The following ARFGEF3 variants were observed in gnomAD, a reference collection of about 807,000 sequenced individuals.
The protein encoded by ARFGEF3 is ARFGEF family member 3.
ARFGEF3 carries 96 observed loss-of-function variants against 221.7 expected under a neutral mutation model. The ratio of observed to expected loss-of-function variants is 0.43; its 90% confidence interval spans 0.37 to 0.51. The LOEUF is 0.51. Among genes scored for constraint, ARFGEF3 ranks in the 20% least tolerant of loss-of-function variants. The pLI is 0.00. For synonymous variants in ARFGEF3, 1,145 were observed against 1,126.8 expected (o/e 1.02, Z -0.32); for missense variants, 2,410 against 2,789.9 (o/e 0.86, Z 3.07).
chr6:138,250,174 C>T (rs920876596), intron 8 of ARFGEF3, among the ~76,000 whole-genome samples: 15 of 152,182 alleles, frequency 9.9e-5, no homozygotes, highest in African/African-American at 3.6e-4. Context: ...GGCTTTAGCT[C>T]TGTAGGGGTG....
At position 138,291,980 on chromosome 6, in the gene ARFGEF3, T is replaced by C. The variant is rs916419257; in HGVS notation, c.3295T>C (p.Phe1099Leu). Residue 1099 changes from phenylalanine to leucine, a missense_variant, in exon 19 of 34, where the codon TTC (phenylalanine) becomes CTC (leucine). Coordinates refer to ENST00000251691, the MANE Select transcript of ARFGEF3 (RefSeq NM_020340.5). This position sits in a 1 kb window ranked among gnomAD's most constrained non-coding sequence, Gnocchi z 4.5. ...REGSRGRASD[F>L]RGGSLMSGSS... is the part of the protein sequence containing the mutation. ...AGGCAGCCGGGGTCGGGCCTCCGAC[T>C]TCCGCGGCGGGAGCCTCATGAGCGG... 4 of 1,536,020 alleles carry C rather than the reference T, an allele frequency of 2.6e-6. No individual in the cohort carries two copies. Among genetic ancestry groups the C allele is most frequent in the Non-Finnish European group, 3.5e-6 (4 of 1,144,822 alleles).
At chr6:138,276,463 C>T (rs1273523079) in intron 12 of ARFGEF3, among the ~76,000 whole-genome samples, 2 of 151,914 alleles carry the variant, frequency 1.3e-5, no homozygotes, top group African/African-American at 4.8e-5. Flanking sequence ...TCAAAGGGAT[C>T]TTCAAAATGA....
Position 138,336,284 on chromosome 6 carries a change from T to A in ARFGEF3, c.6343-11T>A, listed in dbSNP as rs367960447. ...GGAAAGCCACTGATTTTCTTAAATC[T>A]TTTCTCTTAGGCATGGACCAACATG... On this transcript the variant is annotated splice_polypyrimidine_tract_variant and intron_variant, in intron 33 of 33. Transcript: ENST00000251691. The A allele has an allele frequency of 2.4e-5, 36 of 1,499,996 alleles. No individual in the cohort carries two copies. The African/African-American group carries it at 4.7e-4, about 19-fold the overall frequency. 92.9% of individuals were successfully genotyped at this position (1,499,996 alleles called of 1,614,324 possible). A position where few individuals can be genotyped will look rare whatever the true frequency, so the allele number is the denominator to read the frequency against.
chr6:138,233,678 A>G (rs764766542), intron 5 of ARFGEF3, among the ~76,000 whole-genome samples: 1 of 152,124 alleles, frequency 6.6e-6, no homozygotes, highest in Non-Finnish European at 1.5e-5. Flanking sequence ...TACCCGGCCA[A>G]TACTTCTTTT....
At chr6:138,327,107 G>T (rs138217127) in intron 31 of ARFGEF3, among the ~76,000 whole-genome samples, 1 of 152,274 alleles carries the variant, frequency 6.6e-6, no homozygotes, top group African/African-American at 2.4e-5. Context: ...TGTGGGGAAC[G>T]GGGGAGGGAG....
chr6:138,319,118 AT>A (rs56283991), intron 27 of ARFGEF3, among the ~76,000 whole-genome samples: 18,295 of 139,660 alleles, frequency 0.13, 1,399 homozygotes, highest in African/African-American at 0.21. Context: ...TGCCCAGCTA[AT>A]TTTTTTTTTT....
chr6:138,217,946 ATTT>A (rs748903396), intron 4 of ARFGEF3: 1 of 1,547,334 alleles, frequency 6.5e-7, no homozygotes, highest in Admixed American at 2.0e-5. Context: ...CTTTTCAACC[ATTT>A]TTATTTTTCT....
rs1193757839 is a variant in ARFGEF3, at chr6:138,184,252, T to C, written c.137+13539T>C. ...TGAAAAATAACTACTTTTATTATACTTCTACCATCCTCATAGCTGTGGAAT... is the reference window on the plus strand; with the variant it reads ...TGAAAAATAACTACTTTTATTATACCTCTACCATCCTCATAGCTGTGGAAT... On this transcript the variant is annotated intron_variant, in intron 2 of 33. Coordinates refer to ENST00000251691, the MANE Select transcript of ARFGEF3 (RefSeq NM_020340.5). Among the ~76,000 whole-genome samples, 3 of 152,348 alleles carry C rather than the reference T, an allele frequency of 2.0e-5. No individual in the cohort carries two copies. In the South Asian group the frequency reaches 6.2e-4, roughly 32 times the overall value.
intron 3 of ARFGEF3, among the ~76,000 whole-genome samples, chr6:138,209,054 G>C (rs960434175): frequency 8.5e-5 from 13 of 152,148 alleles, no homozygotes; most frequent in Non-Finnish European, 1.8e-4. Flanking sequence ...TATCCTGTGA[G>C]GTAGACTCCT....
chr6:138,162,024 C>T lies in ARFGEF3; in HGVS notation c.-63C>T, dbSNP rs1776622454. 3.1e-6 allele frequency: 4 copies of T among 1,303,878 alleles called. No individual in the cohort carries two copies. The South Asian group carries it at 4.1e-5, about 13-fold the overall frequency. The allele number at this position is 1,303,878 out of a possible 1,614,324, so 80.8% of individuals were successfully genotyped here. On this transcript the variant is annotated 5_prime_UTR_variant, in exon 1 of 34. Coordinates refer to ENST00000251691, the MANE Select transcript of ARFGEF3 (RefSeq NM_020340.5). This position sits in a 1 kb window ranked among gnomAD's most constrained non-coding sequence, Gnocchi z 4.7. Reference sequence around the variant, plus strand: ...CCCAGGGCCAGGCAGCGGCGGCTTCCCCGGCCCGGCTCGCCCGCGCTTCTC... The same window carrying T: ...CCCAGGGCCAGGCAGCGGCGGCTTCTCCGGCCCGGCTCGCCCGCGCTTCTC...
rs203135 is a variant in ARFGEF3 at position 138,285,410 on chromosome 6, C to T, written c.2462-536C>T. Among the ~76,000 whole-genome samples, 13 of 150,380 alleles carry T rather than the reference C, an allele frequency of 8.6e-5. No individual in the cohort carries two copies. The East Asian group carries it at 1.6e-3, about 18-fold the overall frequency. On this transcript the variant is annotated intron_variant, in intron 14 of 33. Transcript: ENST00000251691. ...AACTTGCAGCAGTGAGCCGAGATCA[C>T]GCCACTGCACTCCAGCCTGGGCGAC...
rs1335465706 is a variant in ARFGEF3, at chr6:138,335,098, C to G, written c.6252C>G (p.Pro2084=). Residue 2084 remains proline (P), a synonymous_variant, in exon 33 of 34, where the codon CCC becomes CCG. Coordinates refer to ENST00000251691, the MANE Select transcript of ARFGEF3 (RefSeq NM_020340.5). ...TGCGGCATTCCTTCAGCGCAGGCCCCGAGCTGCTGCGACAGGACAAGAGGC... is the reference window on the plus strand; with the variant it reads ...TGCGGCATTCCTTCAGCGCAGGCCCGGAGCTGCTGCGACAGGACAAGAGGC... ...GQMRHSFSAG[P]ELLRQDKRPR... 3 of 1,600,202 alleles carry G rather than the reference C, an allele frequency of 1.9e-6. No homozygotes were observed. The highest frequency in any genetic ancestry group is 2.3e-5 in the East Asian group (1 of 44,256).
chr6:138,229,996 C>T, intron 5 of ARFGEF3, 144 bp downstream of exon 5: 1 of 710,020 alleles, frequency 1.4e-6, no homozygotes, highest in Non-Finnish European at 2.5e-6. Flanking sequence ...AGGAATTGAT[C>T]TGTGGGAAGC....
chr6:138,197,138 G>A (rs1777443169), intron 2 of ARFGEF3, among the ~76,000 whole-genome samples: 1 of 152,128 alleles, frequency 6.6e-6, no homozygotes, highest in South Asian at 2.1e-4. Context: ...CGGCCTTTAA[G>A]CTTTATTTTT....
intron 2 of ARFGEF3, among the ~76,000 whole-genome samples, chr6:138,187,196 T>C (rs1053222174): frequency 1.3e-5 from 2 of 152,348 alleles, no homozygotes; most frequent in East Asian, 3.9e-4. Context: ...ATTACAGGCA[T>C]GAGCCACAGC....
At chr6:138,295,726 C>G (rs1177835581) in intron 20 of ARFGEF3, among the ~76,000 whole-genome samples, 1 of 152,050 alleles carries the variant, frequency 6.6e-6, no homozygotes, top group African/African-American at 2.4e-5. Flanking sequence ...GGGTAAACAT[C>G]CATGATTATT....
chr6:138,193,752 T>A (rs1262213676), intron 2 of ARFGEF3, among the ~76,000 whole-genome samples: 1 of 152,186 alleles, frequency 6.6e-6, no homozygotes, highest in Non-Finnish European at 1.5e-5. Context: ...ACTTAATTTA[T>A]AAGAAATTAT....
chr6:138,186,657 T>A (rs970334908), intron 2 of ARFGEF3, among the ~76,000 whole-genome samples: 1 of 152,174 alleles, frequency 6.6e-6, no homozygotes, highest in Non-Finnish European at 1.5e-5. Context: ...CTCTTGTCAC[T>A]GAGGAGAAGG....
chr6:138,255,454 T>C lies in ARFGEF3; in HGVS notation c.789T>C (p.Ala263=). The part of the protein sequence containing the change: ...TDLIWKNLCP[A]LIVILGNPIH... ...TTCCCAGGAAAAACCTCTGCCCTGCTCTCATCGTGATCTTGGGGAATCCAA... is the reference window on the plus strand; with the variant it reads ...TTCCCAGGAAAAACCTCTGCCCTGCCCTCATCGTGATCTTGGGGAATCCAA... Residue 263 remains alanine (A), a synonymous_variant, in exon 10 of 34, where the codon GCT becomes GCC. Transcript: ENST00000251691. 1 of 1,605,768 alleles carries C rather than the reference T, an allele frequency of 6.2e-7. No homozygotes were observed. Among genetic ancestry groups the C allele is most frequent in the Non-Finnish European group, 8.5e-7 (1 of 1,173,106 alleles).
Sources: allele counts gnomAD v4.1 joint callset (sites outside exome capture counted in the v4.1 genomes callset), GRCh38; gene constraint gnomAD v4.1.1; non-coding constraint Gnocchi (gnomAD v3.1); transcripts MANE v1.5; gene names NCBI Gene and HGNC (gene_info 2026-07-23, HGNC 2026-07-21).